The following DSE variants were observed in gnomAD, a reference collection of about 807,000 sequenced individuals.
The protein encoded by DSE is dermatan-sulfate epimerase.
DSE carries 36 observed loss-of-function variants against 84.4 expected under a neutral mutation model. The observed-to-expected ratio is 0.43, with a 90% confidence interval of 0.33 to 0.56. DSE has a LOEUF of 0.56. DSE is among the 20% of genes least tolerant of loss of function. The pLI is 0.06. For missense variants in DSE, 862 were observed against 1,169.6 expected, an observed-to-expected ratio of 0.74 and a Z score of 3.84; for synonymous variants, 410 against 430.1, an observed-to-expected ratio of 0.95 and a Z score of 0.58.
chr6:116,320,372 AT>A (rs138306326), intron 2 of DSE, among the ~76,000 whole-genome samples: 29,987 of 151,090 alleles, frequency 0.2, 3,260 homozygotes, highest in East Asian at 0.29. Context: ...GAATATGTCA[AT>A]TTTTTTTTAT....
At chr6:116,356,670 A>G (rs929902923) in intron 2 of DSE, among the ~76,000 whole-genome samples, 6 of 152,164 alleles carry the variant, frequency 3.9e-5, no homozygotes, top group African/African-American at 1.2e-4. Flanking sequence ...CAGGTACCCC[A>G]TTGGTAAAGT....
chr6:116,430,663 C>T (rs1161492688), intron 3 of DSE, among the ~76,000 whole-genome samples: 1 of 152,114 alleles, frequency 6.6e-6, no homozygotes. Flanking sequence ...TTCCTCAGCC[C>T]CCCAAGTAGC....
chr6:116,364,127 T>G (rs1779044841), intron 2 of DSE, among the ~76,000 whole-genome samples: 1 of 152,230 alleles, frequency 6.6e-6, no homozygotes, highest in Non-Finnish European at 1.5e-5. Context: ...CTTTTCTCAC[T>G]TAGATGACAA....
chr6:116,346,440 C>T (rs1192992158), intron 2 of DSE, among the ~76,000 whole-genome samples: 1 of 152,200 alleles, frequency 6.6e-6, no homozygotes, highest in Non-Finnish European at 1.5e-5. Flanking sequence ...TGGGCTTCAT[C>T]CCTGGGATAC....
Position 116,436,329 on chromosome 6 carries a change from G to A in DSE, c.1861G>A (p.Asp621Asn), listed in dbSNP as rs1478402459. The stretch of plus-strand genomic sequence containing the variant: ...TCTCTATAAAATGTACTGGATGGAC[G>A]ATACTGGCTACAGCGAGAAAGCAAC... ...DGLYKMYWMD[D>N]TGYSEKATFA... is the part of the protein sequence containing the mutation. Residue 621 changes from aspartate (D) to asparagine (N), a missense_variant, in exon 6 of 6, where the codon GAT becomes AAT. Transcript: ENST00000644252. 6 of 1,614,160 alleles carry A rather than the reference G, an allele frequency of 3.7e-6. No individual in the cohort carries two copies. Among genetic ancestry groups the A allele is most frequent in the South Asian group, 1.1e-5 (1 of 91,086 alleles).
intron 2 of DSE, among the ~76,000 whole-genome samples, chr6:116,295,345 C>T (rs1394458045): frequency 6.6e-6 from 1 of 152,122 alleles, no homozygotes; most frequent in Non-Finnish European, 1.5e-5. Context: ...CTTTGAGACT[C>T]GCTGTGGAGT....
At chr6:116,331,339 C>T (rs1418928936) in intron 2 of DSE, among the ~76,000 whole-genome samples, 2 of 152,150 alleles carry the variant, frequency 1.3e-5, no homozygotes, top group African/African-American at 4.8e-5. Context: ...AACTTACAAT[C>T]ATGGTGGAAG....
In DSE at chr6:116,384,879, G is replaced by C. The variant is rs542224221; in HGVS notation, c.-54+13758G>C. Among the ~76,000 whole-genome samples the C allele has an allele frequency of 1.2e-4, 18 of 152,232 alleles. No individual in the cohort carries two copies. In the East Asian group the frequency reaches 3.3e-3, roughly 28 times the overall value. ...ACAAAATAAATAAGTAAATTATATA[G>C]TAGATTAGAAGGTCATAAGTGCCAT... On this transcript the variant is annotated intron_variant, in intron 1 of 5. Transcript: ENST00000644252.
intron 2 of DSE, among the ~76,000 whole-genome samples, chr6:116,405,673 GAAACA>G (rs1472395166): frequency 6.6e-6 from 1 of 152,160 alleles, no homozygotes; most frequent in Non-Finnish European, 1.5e-5. Flanking sequence ...AAAATTTACA[GAAACA>G]CACAGCCATT....
At chr6:116,287,546 A>G (rs76173072) in intron 2 of DSE, among the ~76,000 whole-genome samples, 56 of 152,234 alleles carry the variant, frequency 3.7e-4, no homozygotes, top group African/African-American at 1.3e-3. Context: ...ATGAAATACC[A>G]TAATTTCCTT....
chr6:116,338,506 G>C (rs1276833161), intron 2 of DSE, among the ~76,000 whole-genome samples: 1 of 152,090 alleles, frequency 6.6e-6, no homozygotes, highest in Non-Finnish European at 1.5e-5. Flanking sequence ...TTACAGGTGT[G>C]AGCCACTGTG....
At chr6:116,381,486 C>T (rs1324530912) in intron 1 of DSE, among the ~76,000 whole-genome samples, 1 of 152,078 alleles carries the variant, frequency 6.6e-6, no homozygotes, top group Non-Finnish European at 1.5e-5. Context: ...TAGTTATTTC[C>T]TGGGTAATTT....
At chr6:116,378,089 G>T (rs1351805230) in intron 1 of DSE, among the ~76,000 whole-genome samples, 1 of 152,028 alleles carries the variant, frequency 6.6e-6, no homozygotes, top group Non-Finnish European at 1.5e-5. Flanking sequence ...CTGTCAGGAA[G>T]GAAAAAAGTA....
intron 2 of DSE, among the ~76,000 whole-genome samples, chr6:116,267,902 G>C (rs1348478674): frequency 6.6e-6 from 1 of 152,056 alleles, no homozygotes; most frequent in Non-Finnish European, 1.5e-5. Flanking sequence ...TAAACCCCCA[G>C]ATCTCATGAG....
chr6:116,309,888 T>C (rs1775577398), intron 2 of DSE, among the ~76,000 whole-genome samples: 2 of 152,004 alleles, frequency 1.3e-5, no homozygotes, highest in Admixed American at 1.3e-4. Flanking sequence ...CAATCACTTC[T>C]CAAAGCCCTC....
At chr6:116,286,555 G>A (rs1178651699) in intron 2 of DSE, among the ~76,000 whole-genome samples, 3 of 151,940 alleles carry the variant, frequency 2.0e-5, no homozygotes, top group Non-Finnish European at 4.4e-5. Context: ...TTCCTTAAAT[G>A]AAATTTATAG....
intron 2 of DSE, among the ~76,000 whole-genome samples, chr6:116,293,097 A>G (rs941418934): frequency 3.9e-5 from 6 of 152,130 alleles, no homozygotes; most frequent in Non-Finnish European, 7.4e-5. Flanking sequence ...ACCCTCTCAT[A>G]CAATGATGAG....
At chr6:116,264,968 G>A (rs376985461) in intron 2 of DSE, among the ~76,000 whole-genome samples, 11 of 152,036 alleles carry the variant, frequency 7.2e-5, no homozygotes, top group Non-Finnish European at 1.0e-4. Context: ...AGGTGCTCCC[G>A]GACCACTGTT....
chr6:116,391,673 G>C (rs1035348534), intron 1 of DSE, among the ~76,000 whole-genome samples: 1 of 151,538 alleles, frequency 6.6e-6, no homozygotes, highest in Non-Finnish European at 1.5e-5. Context: ...GCTGAGGCAG[G>C]AGAATGGCAT....
Sources: allele counts gnomAD v4.1 joint callset (sites outside exome capture counted in the v4.1 genomes callset), GRCh38; gene constraint gnomAD v4.1.1; transcripts MANE v1.5; gene names NCBI Gene and HGNC (gene_info 2026-07-23, HGNC 2026-07-21).